The following ELAVL4 variants were observed in gnomAD, a reference collection of about 807,000 sequenced individuals.
ELAVL4 encodes ELAV like RNA binding protein 4.
In ELAVL4, 1 loss-of-function variant was observed where a neutral mutation model predicts 35.6. The observed-to-expected ratio is 0.03, with a 90% CI of 0.01 to 0.13. ELAVL4 has a LOEUF of 0.13. Ranked by LOEUF, ELAVL4 falls within the 10% of genes least tolerant of loss-of-function variation. The probability of loss-of-function intolerance (pLI) is 1.00; values close to 1 mark genes in which losing one functional copy is unlikely to be tolerated. For synonymous variants in ELAVL4, 156 were observed against 171.0 expected, an observed-to-expected ratio of 0.91 and a Z score of 0.69; for missense variants, 267 against 464.9, an observed-to-expected ratio of 0.57 and a Z score of 3.91.
upstream of ELAVL4, among the ~76,000 whole-genome samples, chr1:50,103,680 A>G (rs1666105896): frequency 6.6e-6 from 1 of 152,200 alleles, no homozygotes; most frequent in Non-Finnish European, 1.5e-5. Context: ...GTGTGCTATA[A>G]TCATATTAGG....
intron 3 of ELAVL4, among the ~76,000 whole-genome samples, chr1:50,186,822 A>T (rs1465341028): frequency 2.9e-5 from 3 of 103,352 alleles, no homozygotes; most frequent in Non-Finnish European, 6.3e-5. Context: ...AACCATTTCC[A>T]TGAAGTTTCA....
intron 1 of ELAVL4, among the ~76,000 whole-genome samples, chr1:50,117,860 G>GT (rs1220233668): frequency 1.3e-5 from 2 of 151,956 alleles, no homozygotes; most frequent in Non-Finnish European, 2.9e-5. Context: ...CAGTGTTGTT[G>GT]TTTTTTTCTA....
chr1:50,153,503 G>A (rs975999129), intron 2 of ELAVL4, among the ~76,000 whole-genome samples: 26 of 152,322 alleles, frequency 1.7e-4, no homozygotes, highest in Non-Finnish European at 3.2e-4. Context: ...CACTCTGTCT[G>A]TGCTGAATGA....
intron 3 of ELAVL4, among the ~76,000 whole-genome samples, chr1:50,190,217 C>G (rs969245414): frequency 6.6e-6 from 1 of 152,146 alleles, no homozygotes; most frequent in Non-Finnish European, 1.5e-5. Context: ...TTCTCCAGGG[C>G]GCTGGCTCCA....
In ELAVL4 at chr1:50,064,456, T is replaced by C. The variant is rs535339485; in HGVS notation, c.18+16274T>C. ...ACTATTCATTTTCTAGATCTATTGA[T>C]TGGCATGACGTGGTAGTTGTTTCAA... On this transcript the variant is annotated intron_variant, in intron 1 of 6. Coordinates refer to the ELAVL4 transcript ENST00000448907. Among the ~76,000 whole-genome samples, 13 of 152,260 alleles carry C rather than the reference T, an allele frequency of 8.5e-5. No individual in the cohort carries two copies. In the East Asian group the frequency reaches 2.5e-3, roughly 29 times the overall value.
chr1:50,144,030 C>A (rs1203738982), intron 1 of ELAVL4, among the ~76,000 whole-genome samples: 1 of 152,068 alleles, frequency 6.6e-6, no homozygotes, highest in African/African-American at 2.4e-5. Context: ...CCTAAATCTC[C>A]CTATCCTATA....
chr1:50,186,822 A>G (rs1465341028), intron 3 of ELAVL4, among the ~76,000 whole-genome samples: 1 of 103,352 alleles, frequency 9.7e-6, no homozygotes, highest in African/African-American at 3.1e-5. Flanking sequence ...AACCATTTCC[A>G]TGAAGTTTCA....
chr1:50,165,528 CATATACCTATATGTATATATA>C (rs1387886129), intron 2 of ELAVL4, among the ~76,000 whole-genome samples: 1 of 148,686 alleles, frequency 6.7e-6, no homozygotes, highest in Non-Finnish European at 1.5e-5. Flanking sequence ...TACGTATATA[CATATACCTATATGTATATATA>C]GTATATATGC....
At chr1:50,176,434 A>G (rs1680041841) in intron 2 of ELAVL4, among the ~76,000 whole-genome samples, 1 of 152,224 alleles carries the variant, frequency 6.6e-6, no homozygotes, top group Non-Finnish European at 1.5e-5. Flanking sequence ...GTCTTGCTAC[A>G]TCCCTCTGAA....
chr1:50,125,608 C>T (rs1163260930), intron 1 of ELAVL4, among the ~76,000 whole-genome samples: 3 of 151,916 alleles, frequency 2.0e-5, no homozygotes, highest in African/African-American at 7.3e-5. Context: ...GCCAGGGGTC[C>T]CAGCCTTTGA....
At chr1:50,184,162 A>G (rs1681473359) in intron 3 of ELAVL4, among the ~76,000 whole-genome samples, 1 of 152,126 alleles carries the variant, frequency 6.6e-6, no homozygotes, top group Admixed American at 6.6e-5. Flanking sequence ...TTTCAAATAC[A>G]AGGATAGGAG....
chr1:50,106,261 T>A, upstream of ELAVL4: 1 of 1,574,194 alleles, frequency 6.4e-7, no homozygotes, highest in Non-Finnish European at 8.7e-7. Context: ...GTGGGAAAGC[T>A]GGCTGCCGGC....
At chr1:50,053,145 AT>A (rs1663478226) in intron 1 of ELAVL4, among the ~76,000 whole-genome samples, 5 of 152,192 alleles carry the variant, frequency 3.3e-5, no homozygotes, top group Admixed American at 2.6e-4. Context: ...TTTCATTGTA[AT>A]GAAGGTTAAT....
At chr1:50,134,180 T>C (rs1671512841) in intron 1 of ELAVL4, among the ~76,000 whole-genome samples, 1 of 152,224 alleles carries the variant, frequency 6.6e-6, no homozygotes, top group Non-Finnish European at 1.5e-5. Context: ...ATATGTGGAA[T>C]AGCACATTGC....
rs775669484 is a variant in ELAVL4, at chr1:50,059,867, A to G, written c.18+11685A>G. 8.5e-4 allele frequency among the ~76,000 whole-genome samples: 130 copies of G among 152,224 alleles called. 2 individuals carry two copies. Among genetic ancestry groups the G allele is most frequent in the Non-Finnish European group, 1.5e-5 (1 of 68,034 alleles). ...AGCCAGACACAAAAGGTCACATATT[A>G]TATTATTTCATTTATGAGATATCCA... On this transcript the variant is annotated intron_variant, in intron 1 of 6. Transcript: ENST00000448907.
chr1:50,053,081 C>T (rs190265735), intron 1 of ELAVL4, among the ~76,000 whole-genome samples: 1 of 152,208 alleles, frequency 6.6e-6, no homozygotes, highest in East Asian at 1.9e-4. Context: ...TCTATAGTAC[C>T]AGCTTGATAC....
chr1:50,063,928 T>C (rs1428529101), intron 1 of ELAVL4, among the ~76,000 whole-genome samples: 3 of 152,106 alleles, frequency 2.0e-5, no homozygotes, highest in Non-Finnish European at 4.4e-5. Flanking sequence ...GTTTTCCCTA[T>C]TTTCAACTGG....
At chr1:50,099,560 CAAAA>C (rs750905424), upstream of ELAVL4, among the ~76,000 whole-genome samples, 3 of 56,310 alleles carry the variant, frequency 5.3e-5, no homozygotes, top group Admixed American at 1.9e-4. Flanking sequence ...AACTCCGCCT[CAAAA>C]AAAAAAAAAA....
At chr1:50,140,125 G>C (rs1267096570) in intron 1 of ELAVL4, among the ~76,000 whole-genome samples, 6 of 152,174 alleles carry the variant, frequency 3.9e-5, no homozygotes, top group Non-Finnish European at 7.3e-5. Flanking sequence ...CTGTAATTCT[G>C]TTCTTAATTG....
Sources: gnomAD v4.1 joint callset for allele counts (sites outside exome capture counted in the v4.1 genomes callset) on GRCh38, gnomAD v4.1.1 for gene constraint, MANE v1.5 for transcripts, NCBI Gene and HGNC (gene_info 2026-07-23, HGNC 2026-07-21) for gene names.